AKAP12: variants seen among roughly 807,000 people sequenced by gnomAD.
The protein encoded by AKAP12 is A-kinase anchoring protein 12.
In AKAP12, 32 loss-of-function variants were observed where a neutral mutation model predicts 79.9. The observed-to-expected ratio is 0.40, with a 90% CI of 0.30 to 0.54. AKAP12 has a LOEUF of 0.54. Among genes scored for constraint, AKAP12 ranks in the 20% least tolerant of loss-of-function variants. AKAP12 has a pLI of 0.48. For synonymous variants in AKAP12, 808 were observed against 857.0 expected, an observed-to-expected ratio of 0.94 and a Z score of 1.00; for missense variants, 2,074 against 2,177.0, an observed-to-expected ratio of 0.95 and a Z score of 0.94.
intron 2 of AKAP12, among the ~76,000 whole-genome samples, chr6:151,247,350 A>G (rs1307700644): frequency 1.3e-5 from 2 of 152,132 alleles, no homozygotes; most frequent in Non-Finnish European, 2.9e-5. Context: ...GCAGTGAGCT[A>G]TGATCATGCT....
chr6:151,246,080 C>T (rs1439970680), intron 2 of AKAP12, among the ~76,000 whole-genome samples: 1 of 152,150 alleles, frequency 6.6e-6, no homozygotes, highest in African/African-American at 2.4e-5. Context: ...AGATTGTCCT[C>T]GTCCATAAGT....
At chr6:151,250,687 A>C (rs1174408963) in intron 2 of AKAP12, among the ~76,000 whole-genome samples, 1 of 148,862 alleles carries the variant, frequency 6.7e-6, no homozygotes, top group Non-Finnish European at 1.5e-5. Flanking sequence ...CTCACTGCAA[A>C]CTCCGCCTCC....
intron 3 of AKAP12, among the ~76,000 whole-genome samples, chr6:151,336,500 T>C (rs1484724834): frequency 6.6e-6 from 1 of 152,162 alleles, no homozygotes; most frequent in Non-Finnish European, 1.5e-5. Context: ...ATCCCAGCAC[T>C]TTGGGAGGCT....
intron 3 of AKAP12, among the ~76,000 whole-genome samples, chr6:151,320,982 T>A (rs1777366932): frequency 6.6e-6 from 1 of 151,754 alleles, no homozygotes; most frequent in Admixed American, 6.6e-5. Context: ...ACATTTTCTT[T>A]TCTTTCTTTC....
intron 2 of AKAP12, among the ~76,000 whole-genome samples, chr6:151,304,596 G>A (rs1026241606): frequency 7.1e-6 from 1 of 141,106 alleles, no homozygotes; most frequent in Non-Finnish European, 1.5e-5. Flanking sequence ...TGTTTTTCTC[G>A]CTCCGTCACC....
chr6:151,270,687 A>G (rs1776163232), intron 2 of AKAP12, among the ~76,000 whole-genome samples: 1 of 152,162 alleles, frequency 6.6e-6, no homozygotes, highest in African/African-American at 2.4e-5. Flanking sequence ...CCTTGGTAAC[A>G]CTTGTTATCT....
chr6:151,342,599 T>C (rs996805233), intron 3 of AKAP12, among the ~76,000 whole-genome samples: 8 of 152,220 alleles, frequency 5.3e-5, no homozygotes, highest in Admixed American at 3.3e-4. Flanking sequence ...TTCTGACAAT[T>C]GTAGCTCTTA....
chr6:151,354,475 G>A (rs1295905686), intron 4 of AKAP12, among the ~76,000 whole-genome samples: 1 of 152,152 alleles, frequency 6.6e-6, no homozygotes, highest in African/African-American at 2.4e-5. Context: ...CCAGGTTCAC[G>A]CCATTCTCCT....
chr6:151,322,126 T>C (rs1777411303), intron 3 of AKAP12, among the ~76,000 whole-genome samples: 1 of 152,038 alleles, frequency 6.6e-6, no homozygotes, highest in Non-Finnish European at 1.5e-5. Context: ...GCCAGGCTGG[T>C]CTCGAACTCC....
At chr6:151,244,306 C>T (rs763167035) in intron 2 of AKAP12, among the ~76,000 whole-genome samples, 15 of 152,204 alleles carry the variant, frequency 9.9e-5, no homozygotes, top group Non-Finnish European at 1.6e-4. Flanking sequence ...AGGCAGATCA[C>T]AAAGTCAGGA....
chr6:151,297,544 G>A (rs1039532430), intron 2 of AKAP12, among the ~76,000 whole-genome samples: 6 of 145,414 alleles, frequency 4.1e-5, no homozygotes, highest in Admixed American at 1.4e-4. Flanking sequence ...CTGTACTCCA[G>A]CCTGGAGGAC....
At chr6:151,286,419 G>GA (rs1346154216) in intron 2 of AKAP12, among the ~76,000 whole-genome samples, 1 of 152,200 alleles carries the variant, frequency 6.6e-6, no homozygotes, top group Non-Finnish European at 1.5e-5. Context: ...TAACAGCAGG[G>GA]AGGGGGCATT....
chr6:151,348,685 A>ACCCCCCCCCCCC, intron 3 of AKAP12, 26 bp from the exon 4 acceptor site: 1 of 164,742 alleles, frequency 6.1e-6, no homozygotes, highest in Non-Finnish European at 1.2e-5. Flanking sequence ...TCTTCTCCCC[A>ACCCCCCCCCCCC]CCCCCCCGCC....
chr6:151,267,325 A>G (rs528288727), intron 2 of AKAP12, among the ~76,000 whole-genome samples: 3 of 152,344 alleles, frequency 2.0e-5, no homozygotes, highest in Non-Finnish European at 2.9e-5. Flanking sequence ...TAGAAATAAC[A>G]CCATACTGTT....
rs1429159826 is a variant in AKAP12, at chr6:151,290,682, TG to T, written c.163-15064del. ...GTGCAGTGGCATGATCTTGGCTCACTGCAACCTCTGCCTCCCAGGTTCAAGC... is the reference window on the plus strand; with the variant it reads ...GTGCAGTGGCATGATCTTGGCTCACTCAACCTCTGCCTCCCAGGTTCAAGC... On this transcript the variant is annotated intron_variant, in intron 2 of 4. Transcript: ENST00000402676. Among the ~76,000 whole-genome samples, 4 of 152,008 alleles carry T rather than the reference TG, an allele frequency of 2.6e-5. No homozygotes were observed. The East Asian group carries it at 7.7e-4, about 29-fold the overall frequency.
In AKAP12 at chr6:151,355,795, C is replaced by T. The variant is rs1043305064; in HGVS notation, c.*81C>T. ...TAGTAGAAGAAAATGAATGCTGCTGCTGAGACTGAAGACCAGTATTTCAGA... is the reference window on the plus strand; with the variant it reads ...TAGTAGAAGAAAATGAATGCTGCTGTTGAGACTGAAGACCAGTATTTCAGA... On this transcript the variant is annotated 3_prime_UTR_variant, in exon 5 of 5. Transcript: ENST00000402676. 1.3e-5 allele frequency: 2 copies of T among 152,594 alleles called. No individual in the cohort carries two copies. Among genetic ancestry groups the T allele is most frequent in the South Asian group, 2.1e-4 (1 of 4,828 alleles). The allele number at this position is 152,594 out of a possible 1,614,324, so 9.5% of individuals were successfully genotyped here.
intron 2 of AKAP12, among the ~76,000 whole-genome samples, chr6:151,283,236 A>G (rs1776441228): frequency 2.0e-5 from 3 of 152,214 alleles, no homozygotes. Flanking sequence ...ATTGCATTAA[A>G]TCAACCATGA....
intron 2 of AKAP12, among the ~76,000 whole-genome samples, chr6:151,257,401 A>T (rs1234282175): frequency 2.0e-5 from 3 of 152,058 alleles, no homozygotes; most frequent in Non-Finnish European, 4.4e-5. Context: ...GGTTCAAGCG[A>T]TTCTCCTGCC....
intron 3 of AKAP12, among the ~76,000 whole-genome samples, chr6:151,346,512 C>T (rs755728932): frequency 2.2e-4 from 33 of 152,110 alleles, no homozygotes; most frequent in Non-Finnish European, 3.5e-4. Flanking sequence ...CTGGTTGTGT[C>T]GTTGTGATTA....
Sources: allele counts gnomAD v4.1 joint callset (sites outside exome capture counted in the v4.1 genomes callset), GRCh38; gene constraint gnomAD v4.1.1; transcripts MANE v1.5; gene names NCBI Gene and HGNC (gene_info 2026-07-23, HGNC 2026-07-21).